The following ZRANB3 variants were observed in gnomAD, a reference collection of about 807,000 sequenced individuals.
The protein encoded by ZRANB3 is DNA annealing helicase and endonuclease ZRANB3.
Under a neutral mutation model 133.8 loss-of-function variants are expected in ZRANB3, and 125 were observed. The ratio of observed to expected loss-of-function variants is 0.93; its 90% CI spans 0.81 to 1.08. The LOEUF (loss-of-function observed/expected upper bound fraction) is 1.08. ZRANB3 is among the 50% of genes least tolerant of loss of function. The pLI, the probability that ZRANB3 is intolerant of heterozygous loss-of-function variation, is 0.00. For missense variants in ZRANB3, 1,229 were observed against 1,275.5 expected (o/e 0.96, Z 0.56); for synonymous variants, 387 against 432.7 (o/e 0.89, Z 1.31).
chr2:135,495,406 T>G (rs1311872628), intron 2 of ZRANB3, among the ~76,000 whole-genome samples: 1 of 152,168 alleles, frequency 6.6e-6, no homozygotes, highest in Non-Finnish European at 1.5e-5. Flanking sequence ...AGTAAAAGAA[T>G]GGCTACTCCA....
intron 2 of ZRANB3, among the ~76,000 whole-genome samples, chr2:135,417,330 C>T (rs1489917678): frequency 6.6e-6 from 1 of 152,060 alleles, no homozygotes; most frequent in East Asian, 1.9e-4. Context: ...CAAAAGAAGA[C>T]ATTTATGCAG....
chr2:135,511,339 G>A (rs1165434374), intron 1 of ZRANB3: 5 of 852,520 alleles, frequency 5.9e-6, no homozygotes, highest in Non-Finnish European at 1.0e-5. Context: ...TCTTGTTCTG[G>A]TTCTGGCTCA....
intron 2 of ZRANB3, among the ~76,000 whole-genome samples, chr2:135,487,809 C>T (rs1281198820): frequency 1.3e-5 from 2 of 152,224 alleles, no homozygotes; most frequent in East Asian, 3.8e-4. Context: ...ACCACTGAAA[C>T]TTTCTCCACA....
intron 3 of ZRANB3, among the ~76,000 whole-genome samples, chr2:135,387,298 ACTTCCTTCT>A (rs1296306730): frequency 6.6e-6 from 1 of 152,248 alleles, no homozygotes; most frequent in Non-Finnish European, 1.5e-5. Flanking sequence ...TATAAATTGT[ACTTCCTTCT>A]CTGGCTTCAC....
At chr2:135,401,050 A>G (rs927362637) in intron 2 of ZRANB3, among the ~76,000 whole-genome samples, 3 of 152,196 alleles carry the variant, frequency 2.0e-5, no homozygotes, top group African/African-American at 7.2e-5. Context: ...TTAGGATTAT[A>G]TGAGAAATCC....
At chr2:135,277,297 C>T (rs1415267247) in intron 8 of ZRANB3, among the ~76,000 whole-genome samples, 1 of 152,166 alleles carries the variant, frequency 6.6e-6, no homozygotes, top group African/African-American at 2.4e-5. Context: ...CCCAGGGAGA[C>T]ATCCCATTCA....
intron 2 of ZRANB3, among the ~76,000 whole-genome samples, chr2:135,436,615 G>A (rs1000388265): frequency 1.3e-5 from 2 of 152,082 alleles, no homozygotes; most frequent in Admixed American, 6.5e-5. Flanking sequence ...GATCAGAGAA[G>A]ATACAAACAA....
Position 135,386,988 on chromosome 2 carries a change from TA to T in ZRANB3, c.180+3813del, listed in dbSNP as rs530231165. On this transcript the variant is annotated intron_variant, in intron 3 of 20. Transcript: ENST00000264159. ...GCAGGTACCCTAGATCTTAAAGAATTAAAAAAAAAAAAGGAAAAGAAAAAGA... is the reference window on the plus strand; with the variant it reads ...GCAGGTACCCTAGATCTTAAAGAATTAAAAAAAAAAAGGAAAAGAAAAAGA... 9.7e-3 allele frequency among the ~76,000 whole-genome samples: 1,224 copies of T among 125,864 alleles called. 9 individuals are homozygous for T. The highest frequency in any genetic ancestry group is 0.031 in the Middle Eastern group (8 of 262). The allele number at this position is 125,864 out of a possible 152,430, so 82.6% of individuals were successfully genotyped here.
intron 6 of ZRANB3, among the ~76,000 whole-genome samples, chr2:135,340,409 T>C (rs900166095): frequency 1.3e-5 from 2 of 152,032 alleles, no homozygotes; most frequent in Admixed American, 6.6e-5. Flanking sequence ...CCCAACCCCC[T>C]TTTTTTAATA....
At chr2:135,430,450 A>G (rs1574092267) in intron 2 of ZRANB3, among the ~76,000 whole-genome samples, 2 of 151,952 alleles carry the variant, frequency 1.3e-5, no homozygotes, top group Non-Finnish European at 2.9e-5. Context: ...AAAAAAACCC[A>G]AACACATAGT....
intron 8 of ZRANB3, among the ~76,000 whole-genome samples, chr2:135,288,364 T>A (rs1307180342): frequency 4.6e-5 from 7 of 152,198 alleles, no homozygotes; most frequent in African/African-American, 4.8e-5. Flanking sequence ...TTTGCATCTG[T>A]GTTCATTAGA....
intron 2 of ZRANB3, among the ~76,000 whole-genome samples, chr2:135,491,380 T>C (rs113566435): frequency 7.7e-4 from 117 of 152,302 alleles, no homozygotes; most frequent in African/African-American, 2.6e-3. Flanking sequence ...AGTCTTGCTC[T>C]ATCACCCAGG....
intron 3 of ZRANB3, among the ~76,000 whole-genome samples, chr2:135,362,235 A>G (rs1019742709): frequency 4.6e-5 from 7 of 151,896 alleles, no homozygotes; most frequent in Admixed American, 1.3e-4. Flanking sequence ...GTGTGTGTAC[A>G]TTTCAATTCT....
chr2:135,286,270 C>G (rs781570114), intron 8 of ZRANB3, among the ~76,000 whole-genome samples: 2 of 152,072 alleles, frequency 1.3e-5, no homozygotes, highest in Admixed American at 6.6e-5. Flanking sequence ...ATCATTCTTA[C>G]GCCTTTCCAT....
intron 12 of ZRANB3, among the ~76,000 whole-genome samples, chr2:135,251,405 G>C (rs1342583628): frequency 6.6e-6 from 1 of 152,120 alleles, no homozygotes; most frequent in Non-Finnish European, 1.5e-5. Context: ...AAGCATAATT[G>C]GTTTTGAAAT....
At chr2:135,462,390 G>A (rs1430098845) in intron 2 of ZRANB3, among the ~76,000 whole-genome samples, 1 of 152,172 alleles carries the variant, frequency 6.6e-6, no homozygotes, top group Non-Finnish European at 1.5e-5. Context: ...ACTAAAAAGA[G>A]TAGACATATA....
chr2:135,295,209 T>A (rs1471930562), intron 8 of ZRANB3, among the ~76,000 whole-genome samples: 2 of 152,152 alleles, frequency 1.3e-5, no homozygotes, highest in Admixed American at 1.3e-4. Flanking sequence ...TGTGTGGGAG[T>A]CTAAGTCTCT....
At chr2:135,292,812 T>C (rs1681826999) in intron 8 of ZRANB3, among the ~76,000 whole-genome samples, 1 of 152,206 alleles carries the variant, frequency 6.6e-6, no homozygotes, top group Non-Finnish European at 1.5e-5. Context: ...TTTCTACATA[T>C]GGCTAGCCAG....
intron 12 of ZRANB3, 21 bp from the exon 13 acceptor site, chr2:135,230,948 T>A: frequency 6.6e-7 from 1 of 1,520,662 alleles, no homozygotes; most frequent in Non-Finnish European, 8.8e-7. Flanking sequence ...CAAACAGTAG[T>A]TATCAAAGTA....
Sources: gnomAD v4.1 joint callset for allele counts (sites outside exome capture counted in the v4.1 genomes callset) on GRCh38, gnomAD v4.1.1 for gene constraint, MANE v1.5 for transcripts, NCBI Gene and HGNC (gene_info 2026-07-23, HGNC 2026-07-21) for gene names.